The following C1QTNF3 variants were observed in gnomAD, a reference collection of about 807,000 sequenced individuals.
C1QTNF3 encodes the protein complement C1q tumor necrosis factor-related protein 3.
Under a neutral mutation model 32.6 loss-of-function variants are expected in C1QTNF3, and 26 were observed. The observed-to-expected ratio is 0.80, with a 90% confidence interval of 0.58 to 1.11. The LOEUF (loss-of-function observed/expected upper bound fraction) is 1.11, where lower values mean the gene tolerates loss of function less well. Ranked by LOEUF, C1QTNF3 falls within the 50% of genes least tolerant of loss-of-function variation. C1QTNF3 has a pLI of 0.00. For synonymous variants in C1QTNF3, 155 were observed against 146.0 expected (o/e 1.06, Z -0.44); for missense variants, 362 against 398.2 (o/e 0.91, Z 0.77).
intron 3 of C1QTNF3, among the ~76,000 whole-genome samples, chr5:34,032,064 C>T (rs1754626953): frequency 6.6e-6 from 1 of 152,232 alleles, no homozygotes; most frequent in South Asian, 2.1e-4. Flanking sequence ...AGTACTTTAT[C>T]TCAGTTACTT....
At chr5:34,164,274 C>T in the C1QTNF3 span, among the ~76,000 whole-genome samples, 1 of 152,004 alleles carries the variant, frequency 6.6e-6, no homozygotes, top group Non-Finnish European at 1.5e-5. Context: ...TGTCTATTGC[C>T]AGAAAAATGA....
chr5:34,093,916 T>C, the C1QTNF3 span, among the ~76,000 whole-genome samples: 4 of 152,160 alleles, frequency 2.6e-5, no homozygotes, highest in Admixed American at 1.3e-4. Context: ...AGCTGCTTCA[T>C]CACTCAATAA....
the C1QTNF3 span, among the ~76,000 whole-genome samples, chr5:34,087,682 T>C: frequency 6.7e-6 from 1 of 148,216 alleles, no homozygotes; most frequent in Admixed American, 6.8e-5. Context: ...CAAATGATCT[T>C]CACACCTCAG....
At chr5:34,207,942 C>T in the C1QTNF3 span, among the ~76,000 whole-genome samples, 2 of 152,230 alleles carry the variant, frequency 1.3e-5, no homozygotes, top group East Asian at 1.9e-4. Flanking sequence ...CGCCCGCCAC[C>T]GTGCCCGGCT....
chr5:34,124,320 G>T, the C1QTNF3 span: 1 of 598,452 alleles, frequency 1.7e-6, no homozygotes, highest in Non-Finnish European at 3.1e-6. Flanking sequence ...GGCTGTTGTT[G>T]CACTGCTATA....
the C1QTNF3 span, among the ~76,000 whole-genome samples, chr5:34,211,004 TG>T: frequency 6.6e-6 from 1 of 151,842 alleles, no homozygotes; most frequent in Non-Finnish European, 1.5e-5. Flanking sequence ...CCAAAAACAC[TG>T]CATTTTATTA....
chr5:34,219,783 C>T, the C1QTNF3 span: 1 of 152,076 alleles, frequency 6.6e-6, no homozygotes. Flanking sequence ...TCAGGCAAAA[C>T]TTGTGGATGT....
intron 5 of C1QTNF3, 130 bp from the exon 6 acceptor site, chr5:34,020,872 G>T: frequency 1.1e-6 from 1 of 896,526 alleles, no homozygotes; most frequent in Non-Finnish European, 1.7e-6. Context: ...AACAGCCTGT[G>T]AGCAGAAATG....
the C1QTNF3 span, among the ~76,000 whole-genome samples, chr5:34,144,371 C>T: frequency 5.6e-4 from 86 of 152,280 alleles, no homozygotes; most frequent in African/African-American, 1.9e-3. Flanking sequence ...CAAAGCAGAA[C>T]TCTAACAAAG....
the C1QTNF3 span, among the ~76,000 whole-genome samples, chr5:34,160,529 A>G: frequency 1.3e-5 from 2 of 152,178 alleles, no homozygotes; most frequent in African/African-American, 4.8e-5. Context: ...CCGTTCACCA[A>G]CACTGGGCTC....
the C1QTNF3 span, among the ~76,000 whole-genome samples, chr5:34,048,516 C>T: frequency 6.6e-6 from 1 of 152,058 alleles, no homozygotes; most frequent in Non-Finnish European, 1.5e-5. Context: ...AATTTAGAAG[C>T]TGGAAGAAGG....
the C1QTNF3 span, among the ~76,000 whole-genome samples, chr5:34,076,527 T>C: frequency 1.3e-5 from 2 of 151,572 alleles, no homozygotes; most frequent in East Asian, 1.9e-4. Context: ...CTCAGTTATA[T>C]AGAAAACTTG....
At chr5:34,029,264 C>A (rs1271464876) in intron 3 of C1QTNF3, among the ~76,000 whole-genome samples, 1 of 151,932 alleles carries the variant, frequency 6.6e-6, no homozygotes, top group African/African-American at 2.4e-5. Context: ...ATTTTGGTAA[C>A]CCTGCATTAT....
chr5:34,115,998 T>C, the C1QTNF3 span, among the ~76,000 whole-genome samples: 1 of 152,182 alleles, frequency 6.6e-6, no homozygotes, highest in Non-Finnish European at 1.5e-5. Context: ...TTTTTTACTG[T>C]AAATGTTCAT....
At chr5:34,174,742 T>C in the C1QTNF3 span, among the ~76,000 whole-genome samples, 2 of 152,128 alleles carry the variant, frequency 1.3e-5, no homozygotes, top group Non-Finnish European at 2.9e-5. Context: ...TTATTGTCTT[T>C]GAAGACCCTT....
chr5:34,052,803 A>T, the C1QTNF3 span, among the ~76,000 whole-genome samples: 4 of 152,252 alleles, frequency 2.6e-5, no homozygotes, highest in African/African-American at 9.6e-5. Flanking sequence ...TCAAGTCTGC[A>T]TAAATTGTTT....
chr5:34,176,285 G>A, the C1QTNF3 span, among the ~76,000 whole-genome samples: 2 of 150,652 alleles, frequency 1.3e-5, no homozygotes, highest in Non-Finnish European at 3.0e-5. Flanking sequence ...GATAGCATTG[G>A]GAGATATACC....
the C1QTNF3 span, among the ~76,000 whole-genome samples, chr5:34,056,475 T>TAG: frequency 3.5e-4 from 35 of 101,266 alleles, no homozygotes; most frequent in Admixed American, 1.3e-3. Flanking sequence ...TATATATATA[T>TAG]ATATAGAGAG....
At chr5:34,106,407 T>C in the C1QTNF3 span, 1 of 151,296 alleles carries the variant, frequency 6.6e-6, no homozygotes, top group Non-Finnish European at 1.5e-5. Context: ...GAAAAATATA[T>C]ATATTTCATA....
Sources: allele counts gnomAD v4.1 joint callset (sites outside exome capture counted in the v4.1 genomes callset), GRCh38; gene constraint gnomAD v4.1.1; transcripts MANE v1.5; gene names NCBI Gene and HGNC (gene_info 2026-07-23, HGNC 2026-07-21).